The following ARFGEF3 variants were observed in gnomAD, a reference collection of about 807,000 sequenced individuals.
ARFGEF3 encodes the protein ARFGEF family member 3.
ARFGEF3 carries 96 observed loss-of-function variants against 221.7 expected under a neutral mutation model. The ratio of observed to expected loss-of-function variants is 0.43; its 90% CI spans 0.37 to 0.51. The LOEUF (loss-of-function observed/expected upper bound fraction) is 0.51, where lower values mean the gene tolerates loss of function less well. Among genes scored for constraint, ARFGEF3 ranks in the 20% least tolerant of loss-of-function variants. The pLI is 0.00. For missense variants in ARFGEF3, 2,410 were observed against 2,789.9 expected (o/e 0.86, Z 3.07); for synonymous variants, 1,145 against 1,126.8 (o/e 1.02, Z -0.32).
intron 12 of ARFGEF3, among the ~76,000 whole-genome samples, chr6:138,276,259 G>T (rs1779093544): frequency 6.6e-6 from 1 of 152,180 alleles, no homozygotes; most frequent in East Asian, 1.9e-4. Flanking sequence ...AACCCTGAAG[G>T]CCTGGAAATG....
At chr6:138,173,249 A>G (rs1239100138) in intron 2 of ARFGEF3, among the ~76,000 whole-genome samples, 1 of 152,204 alleles carries the variant, frequency 6.6e-6, no homozygotes, top group Non-Finnish European at 1.5e-5. Context: ...TAATAATTCA[A>G]GTATTCCAGA....
intron 8 of ARFGEF3, among the ~76,000 whole-genome samples, chr6:138,249,708 G>A (rs1402160091): frequency 2.0e-5 from 3 of 152,132 alleles, no homozygotes; most frequent in East Asian, 3.8e-4. Flanking sequence ...GATGGCTTTA[G>A]GCATGTTATT....
At chr6:138,267,654 A>C (rs1328559322) in intron 12 of ARFGEF3, among the ~76,000 whole-genome samples, 3 of 152,218 alleles carry the variant, frequency 2.0e-5, no homozygotes, top group African/African-American at 7.2e-5. Flanking sequence ...AGGCTAAAGC[A>C]GGTCTTCAGT....
intron 25 of ARFGEF3, among the ~76,000 whole-genome samples, chr6:138,313,170 T>C (rs956465585): frequency 1.1e-4 from 16 of 152,340 alleles, no homozygotes; most frequent in African/African-American, 3.8e-4. Flanking sequence ...CATGGCAGGA[T>C]TCTAATTAAT....
rs61275034 is a variant in ARFGEF3 at position 138,187,413 on chromosome 6, G to A, written c.137+16700G>A. Reference sequence around the variant, plus strand: ...TCATGATACTGTGACCTCCCTTTATGGTCTTTCTCCTTAGCCTGGAGCAGT... The same window carrying A: ...TCATGATACTGTGACCTCCCTTTATAGTCTTTCTCCTTAGCCTGGAGCAGT... On this transcript the variant is annotated intron_variant, in intron 2 of 33. Coordinates refer to ENST00000251691, the MANE Select transcript of ARFGEF3 (RefSeq NM_020340.5). 2.1e-3 allele frequency among the ~76,000 whole-genome samples: 313 copies of A among 152,304 alleles called. 7 individuals are homozygous for A. In the East Asian group the frequency reaches 0.045, roughly 22 times the overall value.
At chr6:138,266,367 A>G (rs1412849154) in intron 12 of ARFGEF3, among the ~76,000 whole-genome samples, 1 of 152,028 alleles carries the variant, frequency 6.6e-6, no homozygotes, top group Non-Finnish European at 1.5e-5. Context: ...ACGGAAGGGA[A>G]AAGGGAAAGG....
chr6:138,233,411 C>G (rs1229490332), intron 5 of ARFGEF3, among the ~76,000 whole-genome samples: 1 of 152,182 alleles, frequency 6.6e-6, no homozygotes, highest in Non-Finnish European at 1.5e-5. Flanking sequence ...GAGTCTCACT[C>G]TGTTGCCCAG....
At chr6:138,253,736 CA>C (rs1778621884) in intron 8 of ARFGEF3, 143 bp from the exon 9 acceptor site, 1 of 670,440 alleles carries the variant, frequency 1.5e-6, no homozygotes, top group Admixed American at 2.8e-5. Flanking sequence ...GAGAGAGACA[CA>C]GTTCAACCCA....
intron 22 of ARFGEF3, among the ~76,000 whole-genome samples, chr6:138,301,937 G>A (rs1177154695): frequency 2.0e-5 from 3 of 152,104 alleles, no homozygotes; most frequent in Non-Finnish European, 4.4e-5. Flanking sequence ...AGCGCCATGG[G>A]AAGAGACAGA....
intron 2 of ARFGEF3, among the ~76,000 whole-genome samples, chr6:138,200,994 A>G (rs1172326052): frequency 6.6e-6 from 1 of 152,176 alleles, no homozygotes; most frequent in Non-Finnish European, 1.5e-5. Context: ...AAACAATCCC[A>G]TGAAAAAGTG....
chr6:138,296,718 T>C, intron 20 of ARFGEF3, 92 bp from the exon 21 acceptor site: 1 of 1,458,602 alleles, frequency 6.9e-7, no homozygotes, highest in Non-Finnish European at 9.4e-7. Context: ...CTACTGGTCC[T>C]ACCTAGATTT....
chr6:138,253,796 T>C (rs764357496), intron 8 of ARFGEF3, 84 bp from the exon 9 acceptor site: 64 of 1,096,440 alleles, frequency 5.8e-5, no homozygotes, highest in Middle Eastern at 5.8e-4. Flanking sequence ...CGCCTACCAT[T>C]TTTCCGAGCG....
At chr6:138,174,276 G>A (rs1048892217) in intron 2 of ARFGEF3, among the ~76,000 whole-genome samples, 4 of 151,928 alleles carry the variant, frequency 2.6e-5, no homozygotes, top group Admixed American at 6.6e-5. Flanking sequence ...ATACTAGTCT[G>A]ATTTACTATT....
rs1419343908 is a variant in ARFGEF3 at position 138,278,561 on chromosome 6, A to T, written c.2239A>T (p.Lys747Ter). 1 of 1,613,898 alleles carries T rather than the reference A, an allele frequency of 6.2e-7. No homozygotes were observed. The highest frequency in any genetic ancestry group is 8.5e-7 in the Non-Finnish European group (1 of 1,179,882). ...ACACTGCGCCCTGCTCCTCAACCTG[A>T]AGCTCTCCCACGGTGACTACTACAG... The part of the protein sequence containing the change: ...AAHCALLLNL[K>*]LSHGDYYRKR... Residue 747 changes from lysine to a stop codon, truncating the protein, a stop_gained, in exon 13 of 34, where the codon AAG (lysine) becomes TAG (stop). Transcript: ENST00000251691. LOFTEE classifies it high-confidence loss of function.
rs141378004 is a variant in ARFGEF3, at chr6:138,286,166, T to C, written c.2569+113T>C. 79 of 742,992 alleles carry C rather than the reference T, an allele frequency of 1.1e-4. No homozygotes were observed. In the East Asian group the frequency reaches 1.2e-3, roughly 11 times the overall value. The allele number at this position is 742,992 out of a possible 1,614,324, so 46.0% of individuals were successfully genotyped here. ...ATTTTGTCTTGGTTAGAAAAAGTAA[T>C]TGGGCCGGGCCCGGTGGCTCACGCC... On this transcript the variant is annotated intron_variant, in intron 15 of 33. Transcript: ENST00000251691.
intron 10 of ARFGEF3, among the ~76,000 whole-genome samples, chr6:138,258,888 A>G (rs1246936114): frequency 6.6e-6 from 1 of 152,224 alleles, no homozygotes; most frequent in Admixed American, 6.5e-5. Context: ...CCTGGATGCT[A>G]AGTAGATACT....
At chr6:138,331,207 C>T (rs1583071129) in intron 32 of ARFGEF3, among the ~76,000 whole-genome samples, 1 of 152,186 alleles carries the variant, frequency 6.6e-6, no homozygotes, top group East Asian at 1.9e-4. Context: ...CATAAATTTA[C>T]TTAGCACTTT....
chr6:138,203,891 T>C (rs1017111447), intron 2 of ARFGEF3, among the ~76,000 whole-genome samples: 3 of 151,646 alleles, frequency 2.0e-5, no homozygotes, highest in African/African-American at 7.3e-5. Flanking sequence ...TCCGCCCTCC[T>C]TGGACTCCCA....
intron 2 of ARFGEF3, among the ~76,000 whole-genome samples, chr6:138,175,803 T>C (rs541707517): frequency 5.3e-5 from 8 of 152,352 alleles, no homozygotes; most frequent in Middle Eastern, 3.4e-3. Flanking sequence ...TCTTTGTTGA[T>C]TTTCTGTCCT....
Sources: gnomAD v4.1 joint callset for allele counts (sites outside exome capture counted in the v4.1 genomes callset) on GRCh38, gnomAD v4.1.1 for gene constraint, MANE v1.5 for transcripts, NCBI Gene and HGNC (gene_info 2026-07-23, HGNC 2026-07-21) for gene names.